ASB3: variants seen among roughly 807,000 people sequenced by gnomAD.
The protein encoded by ASB3 is ankyrin repeat and SOCS box protein 3.
In ASB3, 41 loss-of-function variants were observed where a neutral mutation model predicts 54.5. That is an observed-to-expected ratio of 0.75 (90% CI 0.59 to 0.98). The LOEUF is 0.98. ASB3 is among the 50% of genes least tolerant of loss of function. ASB3 has a pLI of 0.00. For synonymous variants in ASB3, 266 were observed against 221.2 expected (o/e 1.20, Z -1.80); for missense variants, 733 against 620.0 (o/e 1.18, Z -1.94).
At chr2:53,785,754 A>C (rs1674934424) in intron 1 of ASB3, among the ~76,000 whole-genome samples, 1 of 152,210 alleles carries the variant, frequency 6.6e-6, no homozygotes, top group African/African-American at 2.4e-5. Flanking sequence ...AAAAAGGAGA[A>C]TCCCTTGAAC....
intron 1 of ASB3, chr2:53,767,185 T>G (rs1205162708): frequency 1.3e-5 from 2 of 152,184 alleles, no homozygotes; most frequent in African/African-American, 4.8e-5. Flanking sequence ...CCTGCTCTTT[T>G]GTGAACAAGC....
At chr2:53,680,626 G>T (rs1427312178) in intron 9 of ASB3, among the ~76,000 whole-genome samples, 2 of 151,480 alleles carry the variant, frequency 1.3e-5, no homozygotes, top group African/African-American at 2.4e-5. Flanking sequence ...ATATTTATGG[G>T]GTACATGAGA....
chr2:53,691,990 G>A (rs577487592), intron 9 of ASB3, among the ~76,000 whole-genome samples: 6 of 152,268 alleles, frequency 3.9e-5, no homozygotes, highest in South Asian at 2.1e-4. Context: ...TCTCAACCTC[G>A]GCGCTACTGA....
At chr2:53,744,506 A>G (rs1420034379) in intron 3 of ASB3, among the ~76,000 whole-genome samples, 1 of 152,148 alleles carries the variant, frequency 6.6e-6, no homozygotes, top group Non-Finnish European at 1.5e-5. Context: ...AACACTTTTT[A>G]AATGTAACTT....
intron 3 of ASB3, among the ~76,000 whole-genome samples, chr2:53,736,330 C>G (rs979791764): frequency 1.3e-5 from 2 of 152,140 alleles, no homozygotes; most frequent in Admixed American, 6.5e-5. Context: ...AAATGAAACA[C>G]AGAGTAAGTA....
At position 53,700,297 on chromosome 2, in the gene ASB3, G is replaced by A. The variant is rs1418491722; in HGVS notation, c.1212C>T (p.Asp404=). The part of the protein sequence containing the change: ...WLPHLLVAGF[D]PLILLCNSWI... ...AAGAATTGCACAGTAGAATCAGTGGGTCAAATCCAGCAACCAGAAGATGTG... is the reference window on the plus strand; with the variant it reads ...AAGAATTGCACAGTAGAATCAGTGGATCAAATCCAGCAACCAGAAGATGTG... Residue 404 remains aspartate, a synonymous_variant, in exon 8 of 10, where the codon GAC becomes GAT. Transcript: ENST00000263634. 3 of 1,613,788 alleles carry A rather than the reference G, an allele frequency of 1.9e-6. No individual in the cohort carries two copies. In the African/African-American group the frequency reaches 4.0e-5, roughly 22 times the overall value.
intron 9 of ASB3, among the ~76,000 whole-genome samples, chr2:53,684,973 G>A (rs1468011362): frequency 6.6e-6 from 1 of 152,158 alleles, no homozygotes; most frequent in African/African-American, 2.4e-5. Flanking sequence ...ATGTCTTGGA[G>A]AAAATGTTGG....
intron 7 of ASB3, among the ~76,000 whole-genome samples, chr2:53,711,284 G>T (rs975002507): frequency 6.6e-6 from 1 of 152,092 alleles, no homozygotes; most frequent in Non-Finnish European, 1.5e-5. Flanking sequence ...TGGCCCACAG[G>T]GTTCCATTTA....
At position 53,765,533 on chromosome 2, in the gene ASB3, C is replaced by G. The variant is rs1447738533; in HGVS notation, c.40G>C (p.Val14Leu). 2 of 1,614,214 alleles carry G rather than the reference C, an allele frequency of 1.2e-6. No individual in the cohort carries two copies. Among genetic ancestry groups the G allele is most frequent in the Admixed American group, 3.3e-5 (2 of 60,022 alleles). Residue 14 changes from valine (V) to leucine (L), a missense_variant, in exon 2 of 10, where the codon GTT becomes CTT. Physicochemically the swap from Val to Leu is conservative, Grantham distance 32. Transcript: ENST00000263634. ...TTGCCTTCCCTGGCAGCAAGTCCAA[C>G]TGTAGAGCACGTGTCCGCGTAAGCC... ...TEAYADTCST[V>L]GLAAREGNVK...
At chr2:53,747,607 A>G (rs1672295222) in intron 3 of ASB3, among the ~76,000 whole-genome samples, 1 of 152,232 alleles carries the variant, frequency 6.6e-6, no homozygotes, top group African/African-American at 2.4e-5. Context: ...GTCTTCTCAG[A>G]ATCCTTCATT....
intron 5 of ASB3, 93 bp from the exon 6 acceptor site, chr2:53,716,836 A>C: frequency 7.4e-7 from 1 of 1,351,484 alleles, no homozygotes. Flanking sequence ...AGGGTTTCGT[A>C]GCACGGTAAG....
chr2:53,724,521 C>T (rs1353117887), intron 5 of ASB3, among the ~76,000 whole-genome samples: 1 of 151,968 alleles, frequency 6.6e-6, no homozygotes, highest in Admixed American at 6.6e-5. Flanking sequence ...ATCACTTGAA[C>T]CCAGGAGGCA....
chr2:53,756,922 G>C (rs976521712), intron 2 of ASB3: 1 of 153,846 alleles, frequency 6.5e-6, no homozygotes, highest in Non-Finnish European at 1.4e-5. Flanking sequence ...AAGTGCCTGG[G>C]GTTCATCCTA....
intron 7 of ASB3, among the ~76,000 whole-genome samples, chr2:53,701,263 C>A (rs1192196838): frequency 6.6e-6 from 1 of 152,112 alleles, no homozygotes; most frequent in African/African-American, 2.4e-5. Context: ...ACTGGCCTTA[C>A]ATTTATAATG....
intron 3 of ASB3, among the ~76,000 whole-genome samples, chr2:53,739,107 T>C (rs1481367468): frequency 6.6e-6 from 1 of 152,220 alleles, no homozygotes; most frequent in Non-Finnish European, 1.5e-5. Context: ...TGCAATAATT[T>C]CTAGGGAGAC....
Position 53,700,334 on chromosome 2 carries a change from T to G in ASB3, c.1175A>C (p.Lys392Thr), listed in dbSNP as rs767005983. The G allele has an allele frequency of 5.2e-5, 84 of 1,614,030 alleles. No homozygotes were observed. The highest frequency in any genetic ancestry group is 7.1e-5 in the Non-Finnish European group (84 of 1,180,016). Residue 392 changes from lysine (K) to threonine (T), a missense_variant, in exon 8 of 10, where the codon AAG becomes ACG. Lys to Thr is a moderately conservative substitution (Grantham distance 78). Coordinates refer to ENST00000263634, the MANE Select transcript of ASB3 (RefSeq NM_016115.5). ...NHAIKAQAKY[K>T]EWLPHLLVAG... is the part of the protein sequence containing the mutation. Reference sequence around the variant, plus strand: ...AACCAGAAGATGTGGCAACCACTCCTTATATTTTGCTTGTGCTTTAATTGC... The same window carrying G: ...AACCAGAAGATGTGGCAACCACTCCGTATATTTTGCTTGTGCTTTAATTGC...
At chr2:53,713,816 G>A (rs1001488643) in intron 7 of ASB3, among the ~76,000 whole-genome samples, 2 of 152,054 alleles carry the variant, frequency 1.3e-5, no homozygotes, top group African/African-American at 4.8e-5. Flanking sequence ...TGGAGGCTGA[G>A]GTGGGAGGAT....
At position 53,755,587 on chromosome 2, in the gene ASB3, TCTTA is replaced by T. The variant is rs151296447; in HGVS notation, c.197-4650_197-4647del. 8.6e-3 allele frequency among the ~76,000 whole-genome samples: 1,307 copies of T among 152,128 alleles called. 7 individuals are homozygous for T. Among genetic ancestry groups the T allele is most frequent in the Non-Finnish European group, 0.013 (888 of 67,970 alleles). On this transcript the variant is annotated intron_variant, in intron 2 of 9. Transcript: ENST00000263634. ...CACACCATTTACACAATTTATATCA[TCTTA>T]CTATGTTTTATTTAGGTATTATAAG...
chr2:53,714,460 T>A lies in ASB3; in HGVS notation c.904A>T (p.Asn302Tyr). ...GCCTGGGCGTCTGGGCTGTAGCCAT[T>A]CCGGAGTAATATTTCTAGGCAATCT... is the stretch of plus-strand genomic sequence containing the variant. ...HEDCLEILLR[N>Y]GYSPDAQACL... Residue 302 changes from asparagine to tyrosine, a missense_variant, in exon 7 of 10, where the codon AAT becomes TAT. Coordinates refer to ENST00000263634, the MANE Select transcript of ASB3 (RefSeq NM_016115.5). 6.2e-7 allele frequency: 1 copy of A among 1,614,228 alleles called. No homozygotes were observed. Among genetic ancestry groups the A allele is most frequent in the Non-Finnish European group, 8.5e-7 (1 of 1,180,034 alleles).
Sources: allele counts gnomAD v4.1 joint callset (sites outside exome capture counted in the v4.1 genomes callset), GRCh38; gene constraint gnomAD v4.1.1; transcripts MANE v1.5; gene names NCBI Gene and HGNC (gene_info 2026-07-23, HGNC 2026-07-21).